KIAA0825: variants seen among roughly 807,000 people sequenced by gnomAD.
KIAA0825 encodes uncharacterized protein KIAA0825.
A neutral mutation model predicts 147.6 loss-of-function variants in KIAA0825; 119 were observed. That is an observed-to-expected ratio of 0.81 (90% CI 0.69 to 0.94). The LOEUF (loss-of-function observed/expected upper bound fraction) is 0.94. Among genes scored for constraint, KIAA0825 ranks in the 40% least tolerant of loss-of-function variants. The probability of loss-of-function intolerance (pLI) is 0.00; values close to 1 mark genes in which losing one functional copy is unlikely to be tolerated. For missense variants in KIAA0825, 1,381 were observed against 1,472.7 expected, an observed-to-expected ratio of 0.94 and a Z score of 1.02; for synonymous variants, 470 against 518.1, an observed-to-expected ratio of 0.91 and a Z score of 1.26.
intron 5 of KIAA0825, among the ~76,000 whole-genome samples, chr5:94,487,142 G>A (rs1228791701): frequency 6.6e-6 from 1 of 152,082 alleles, no homozygotes; most frequent in Non-Finnish European, 1.5e-5. Flanking sequence ...TTCATGACCT[G>A]GATTTAGAAG....
chr5:94,363,294 C>T (rs1197506125), intron 20 of KIAA0825, among the ~76,000 whole-genome samples: 1 of 151,790 alleles, frequency 6.6e-6, no homozygotes, highest in Non-Finnish European at 1.5e-5. Flanking sequence ...AGCTAAATCG[C>T]ATTATCTCTT....
At chr5:94,388,093 G>T (rs1172507028) in intron 18 of KIAA0825, among the ~76,000 whole-genome samples, 2 of 152,192 alleles carry the variant, frequency 1.3e-5, no homozygotes, top group Non-Finnish European at 2.9e-5. Context: ...GGGAGGGGGA[G>T]TATGGTTTTA....
intron 20 of KIAA0825, among the ~76,000 whole-genome samples, chr5:94,201,599 G>GT (rs936059503): frequency 6.1e-5 from 9 of 147,832 alleles, no homozygotes; most frequent in African/African-American, 1.3e-4. Context: ...GTTTTTTTTT[G>GT]TTTTTTTGGT....
At chr5:94,391,796 C>T (rs1749931122) in intron 17 of KIAA0825, 102 bp from the exon 18 acceptor site, 6 of 1,004,420 alleles carry the variant, frequency 6.0e-6, no homozygotes, top group Non-Finnish European at 8.5e-6. Flanking sequence ...ATCTCAGATT[C>T]AAAGCATCCA....
At chr5:94,477,330 A>G in intron 6 of KIAA0825, 125 bp from the exon 7 acceptor site, 1 of 544,834 alleles carries the variant, frequency 1.8e-6, no homozygotes. Context: ...ACATACATAC[A>G]TATACACATC....
At chr5:94,534,289 C>T (rs1331424958) in intron 3 of KIAA0825, among the ~76,000 whole-genome samples, 4 of 152,030 alleles carry the variant, frequency 2.6e-5, no homozygotes, top group Admixed American at 6.6e-5. Flanking sequence ...TGTTAGAAGG[C>T]AATAAATGAG....
chr5:94,515,662 GGCGCCTGTGATCCCA>G (rs1767108940), intron 5 of KIAA0825, among the ~76,000 whole-genome samples: 2 of 151,920 alleles, frequency 1.3e-5, no homozygotes, highest in African/African-American at 4.8e-5. Context: ...CGTGGTGGCA[GGCGCCTGTGATCCCA>G]GCTACTTGGG....
intron 5 of KIAA0825, among the ~76,000 whole-genome samples, chr5:94,505,627 C>T (rs573942632): frequency 5.9e-5 from 9 of 152,164 alleles, no homozygotes; most frequent in South Asian, 2.1e-4. Context: ...ATAAAGATGT[C>T]TGTCTTTTTT....
intron 1 of KIAA0825, among the ~76,000 whole-genome samples, chr5:94,587,649 C>T (rs1249466159): frequency 3.3e-5 from 5 of 152,066 alleles, no homozygotes; most frequent in Non-Finnish European, 2.9e-5. Flanking sequence ...CAATGCTATC[C>T]CCATCAAGCT....
intron 20 of KIAA0825, among the ~76,000 whole-genome samples, chr5:94,246,499 C>T (rs564030336): frequency 1.3e-5 from 2 of 152,152 alleles, no homozygotes; most frequent in East Asian, 3.9e-4. Flanking sequence ...TGGGGTGGCA[C>T]ACACTGAACA....
chr5:94,180,679 T>C (rs1040910067), intron 20 of KIAA0825, among the ~76,000 whole-genome samples: 4 of 152,134 alleles, frequency 2.6e-5, no homozygotes, highest in African/African-American at 9.7e-5. Context: ...GTCAGCCTAA[T>C]TTTTGTCCCT....
At chr5:94,222,444 G>C (rs1227714310) in intron 20 of KIAA0825, among the ~76,000 whole-genome samples, 1 of 152,126 alleles carries the variant, frequency 6.6e-6, no homozygotes, top group Non-Finnish European at 1.5e-5. Flanking sequence ...CATAGGCTTT[G>C]ACTCCATTTA....
chr5:94,479,576 G>C (rs538379283), intron 6 of KIAA0825, among the ~76,000 whole-genome samples: 1 of 152,198 alleles, frequency 6.6e-6, no homozygotes, highest in East Asian at 1.9e-4. Flanking sequence ...GCAGGTTTTT[G>C]TACGGATGTA....
At chr5:94,309,692 A>G (rs892109880) in intron 20 of KIAA0825, among the ~76,000 whole-genome samples, 2 of 151,830 alleles carry the variant, frequency 1.3e-5, no homozygotes, top group Middle Eastern at 3.4e-3. Context: ...GAAAGTGAGA[A>G]AAGAAGATGC....
chr5:94,534,706 G>T (rs1485094496), intron 3 of KIAA0825, among the ~76,000 whole-genome samples: 1 of 151,836 alleles, frequency 6.6e-6, no homozygotes, highest in Admixed American at 6.6e-5. Context: ...TTTTGACTAG[G>T]TTAGGCAAAA....
At chr5:94,202,628 T>C (rs1771802406) in intron 20 of KIAA0825, among the ~76,000 whole-genome samples, 1 of 152,190 alleles carries the variant, frequency 6.6e-6, no homozygotes, top group South Asian at 2.1e-4. Flanking sequence ...TGAATAAACC[T>C]GTAAATATGA....
intron 15 of KIAA0825, among the ~76,000 whole-genome samples, chr5:94,406,796 A>G (rs1375166601): frequency 1.3e-5 from 2 of 152,168 alleles, no homozygotes; most frequent in Non-Finnish European, 2.9e-5. Context: ...TGGTAGTTAT[A>G]AAAGCCCAGC....
chr5:94,583,552 TCAG>T (rs1444639775), intron 1 of KIAA0825, among the ~76,000 whole-genome samples: 1 of 152,134 alleles, frequency 6.6e-6, no homozygotes, highest in Non-Finnish European at 1.5e-5. Context: ...CCACCACAGC[TCAG>T]CAAGGCCTAC....
At chr5:94,176,835 C>G (rs929147862) in intron 20 of KIAA0825, among the ~76,000 whole-genome samples, 1 of 152,088 alleles carries the variant, frequency 6.6e-6, no homozygotes, top group Admixed American at 6.6e-5. Context: ...GAAACAGATT[C>G]ATTACTGCTG....
Sources: gnomAD v4.1 joint callset for allele counts (sites outside exome capture counted in the v4.1 genomes callset) on GRCh38, gnomAD v4.1.1 for gene constraint, MANE v1.5 for transcripts, NCBI Gene and HGNC (gene_info 2026-07-23, HGNC 2026-07-21) for gene names.